SERPINA1: variants seen among roughly 807,000 people sequenced by gnomAD.
SERPINA1 encodes the protein serpin family A member 1.
Under a neutral mutation model 25.4 loss-of-function variants are expected in SERPINA1, and 21 were observed. That is an observed-to-expected ratio of 0.83 (90% CI 0.59 to 1.19). The LOEUF is 1.19. Among genes scored for constraint, SERPINA1 ranks in the 50% most tolerant of loss-of-function variants. The pLI is 0.00. For missense variants in SERPINA1, 546 were observed against 509.0 expected, an observed-to-expected ratio of 1.07 and a Z score of -0.70; for synonymous variants, 218 against 211.1, an observed-to-expected ratio of 1.03 and a Z score of -0.29.
upstream of SERPINA1, chr14:94,389,499 C>T (rs1305419921): frequency 3.3e-5 from 5 of 152,220 alleles, no homozygotes; most frequent in Non-Finnish European, 5.9e-5. Flanking sequence ...GATCCGTATA[C>T]AGCTTGGAGT....
intron 3 of SERPINA1, among the ~76,000 whole-genome samples, chr14:94,380,090 T>A (rs1449222403): frequency 4.6e-5 from 7 of 152,224 alleles, no homozygotes; most frequent in African/African-American, 1.4e-4. Flanking sequence ...GCAGCTTGGC[T>A]CTGGGCTCTC....
Position 94,382,822 on chromosome 14 carries a change from C to G in SERPINA1, c.416G>C (p.Gly139Ala), listed in dbSNP as rs757562207. 1.2e-6 allele frequency: 2 copies of G among 1,614,234 alleles called. No individual in the cohort carries two copies. The highest frequency in any genetic ancestry group is 2.2e-5 in the South Asian group (2 of 91,088). The part of the protein sequence containing the change: ...QPDSQLQLTT[G>A]NGLFLSEGLK... Reference sequence around the variant, plus strand: ...GCCCTCGCTGAGGAACAGGCCATTGCCGGTGGTCAGCTGGAGCTGGCTGTC... The same window carrying G: ...GCCCTCGCTGAGGAACAGGCCATTGGCGGTGGTCAGCTGGAGCTGGCTGTC... The change falls in exon 2 of 5, where the codon GGC becomes GCC. Residue 139 changes from glycine to alanine, a missense_variant. Physicochemically the swap from Gly to Ala is moderately conservative, Grantham distance 60. Coordinates refer to ENST00000393087, the MANE Select transcript of SERPINA1 (RefSeq NM_000295.5).
At position 94,383,075 on chromosome 14, in the gene SERPINA1, C is replaced by G. The variant is rs753921311; in HGVS notation, c.163G>C (p.Ala55Pro). ...CGGTATAGGCTGAAGGCGAACTCAG[C>G]CAGGTTGGGGGTGATCTTGTTGAAG... ...PTFNKITPNLAEFAFSLYRQL... is the reference protein window; with the variant it reads ...PTFNKITPNLPEFAFSLYRQL... The change falls in exon 2 of 5, where the codon GCT becomes CCT. Residue 55 changes from alanine to proline, a missense_variant. Coordinates refer to ENST00000393087, the MANE Select transcript of SERPINA1 (RefSeq NM_000295.5). 1 of 1,614,150 alleles carries G rather than the reference C, an allele frequency of 6.2e-7. No homozygotes were observed. Among genetic ancestry groups the G allele is most frequent in the Non-Finnish European group, 8.5e-7 (1 of 1,179,980 alleles).
At position 94,379,472 on chromosome 14, in the gene SERPINA1, G is replaced by A. The variant is rs866203136; in HGVS notation, c.1057C>T (p.Leu353Phe). The change falls in exon 4 of 5, where the codon CTC (leucine) becomes TTC (phenylalanine). Residue 353 changes from leucine to phenylalanine, a missense_variant. Leu to Phe is a conservative substitution (Grantham distance 22, BLOSUM62 0). Transcript: ENST00000393087. ...SGVTEEAPLKLSKAVHKAVLT... is the reference protein window; with the variant it reads ...SGVTEEAPLKFSKAVHKAVLT... ...CGTCAGGGTGATCTCACCTTGGAGA[G>A]CTTCAGGGGTGCCTCCTCTGTGACC... 1 of 1,614,232 alleles carries A rather than the reference G, an allele frequency of 6.2e-7. No individual in the cohort carries two copies.
intron 1 of SERPINA1, among the ~76,000 whole-genome samples, chr14:94,385,697 T>A (rs2854257): frequency 6.6e-6 from 1 of 152,200 alleles, no homozygotes; most frequent in African/African-American, 2.4e-5. Flanking sequence ...TGGCTAGGCA[T>A]GAGACAGGTG....
At position 94,377,084 on chromosome 14, in the gene SERPINA1, A is replaced by C. The variant is rs1896414042; in HGVS notation, c.*1365T>G. ...CGGTATCCATTGATTAGACTGAATC[A>C]TGTAGAATTGCTAATTTCACCATTT... On this transcript the variant is annotated 3_prime_UTR_variant, in exon 5 of 5. Coordinates refer to ENST00000393087, the MANE Select transcript of SERPINA1 (RefSeq NM_000295.5). The C allele has an allele frequency of 6.6e-6, 1 of 152,248 alleles. No homozygotes were observed. The highest frequency in any genetic ancestry group is 1.5e-5 in the Non-Finnish European group (1 of 68,048). 9.4% of individuals were successfully genotyped at this position (152,248 alleles called of 1,614,324 possible).
upstream of SERPINA1, among the ~76,000 whole-genome samples, chr14:94,389,403 G>GC (rs939861146): frequency 1.3e-5 from 2 of 152,174 alleles, no homozygotes; most frequent in Admixed American, 6.5e-5. Context: ...TGCTTAGTCT[G>GC]CCCCCCAGGC....
Position 94,378,523 on chromosome 14 carries a change from CA to C in SERPINA1, c.1182del (p.Phe394LeufsTer4). 2 of 1,614,020 alleles carry C rather than the reference CA, an allele frequency of 1.2e-6. No individual in the cohort carries two copies. Among genetic ancestry groups the C allele is most frequent in the Non-Finnish European group, 1.7e-6 (2 of 1,179,988 alleles). On this transcript the variant is annotated frameshift_variant, in exon 5 of 5. Transcript: ENST00000393087. LOFTEE classifies it low-confidence loss of function (END_TRUNC). ...GTATTTTGTTCAATCATTAAGAAGA[CA>C]AAGGGTTTGTTGAACTTGACCTCGG... ...IPPEVKFNKP[F>X]VFLMIEQNTK...
At chr14:94,386,854 C>T (rs1297840283) in intron 1 of SERPINA1, among the ~76,000 whole-genome samples, 16 of 152,234 alleles carry the variant, frequency 1.1e-4, no homozygotes, top group Non-Finnish European at 1.6e-4. Context: ...GCCACACTTA[C>T]TAACACCTGG....
rs1897069375 is a variant in SERPINA1, at chr14:94,383,110, T to G, written c.128A>C (p.Asp43Ala). The G allele has an allele frequency of 1.9e-6, 3 of 1,614,162 alleles. No homozygotes were observed. The East Asian group carries it at 6.7e-5, about 36-fold the overall frequency. Residue 43 changes from aspartate to alanine, a missense_variant, in exon 2 of 5, where the codon GAT becomes GCT. Transcript: ENST00000393087. ...QKTDTSHHDQ[D>A]HPTFNKITPN... Reference sequence around the variant, plus strand: ...GGTGATCTTGTTGAAGGTTGGGTGATCCTGATCATGGTGGGATGTATCTGT... The same window carrying G: ...GGTGATCTTGTTGAAGGTTGGGTGAGCCTGATCATGGTGGGATGTATCTGT...
intron 2 of SERPINA1, among the ~76,000 whole-genome samples, 186 bp downstream of exon 2, chr14:94,382,406 T>C (rs1896992099): frequency 6.6e-6 from 1 of 152,270 alleles, no homozygotes; most frequent in African/African-American, 2.4e-5. Flanking sequence ...TTTAATCTAT[T>C]ATTTCCTCAA....
chr14:94,379,261 T>C (rs930950096), intron 4 of SERPINA1: 2 of 707,566 alleles, frequency 2.8e-6, no homozygotes, highest in Non-Finnish European at 2.4e-6. Context: ...GCCCCGAAAG[T>C]GCCAGCTGCA....
chr14:94,380,445 C>T (rs1896811103), intron 3 of SERPINA1, among the ~76,000 whole-genome samples: 1 of 152,210 alleles, frequency 6.6e-6, no homozygotes, highest in South Asian at 2.1e-4. Flanking sequence ...CTGGGCCTTG[C>T]CACACAGGCT....
intron 1 of SERPINA1, 176 bp from the exon 2 acceptor site, chr14:94,383,417 C>G: frequency 3.1e-6 from 2 of 652,876 alleles, no homozygotes; most frequent in Non-Finnish European, 5.4e-6. Context: ...GTACGTAGTG[C>G]TTACCATATG....
chr14:94,382,937 G>A lies in SERPINA1; in HGVS notation c.301C>T (p.Leu101=). The change falls in exon 2 of 5, where the codon CTG becomes TTG. Residue 101 remains leucine, a synonymous_variant. Transcript: ENST00000393087. ...GTKADTHDEI[L]EGLNFNLTEI... ...GTGAGGTTGAAATTCAGGCCCTCCA[G>A]GATTTCATCGTGAGTGTCAGCCTTG... 6.2e-7 allele frequency: 1 copy of A among 1,610,872 alleles called. No homozygotes were observed. The highest frequency in any genetic ancestry group is 8.5e-7 in the Non-Finnish European group (1 of 1,177,492).
chr14:94,378,739 C>T lies in SERPINA1; in HGVS notation c.1066-99G>A, dbSNP rs74341584. 1.0e-3 allele frequency: 1,245 copies of T among 1,238,980 alleles called. 14 individuals are homozygous for T. In the African/African-American group the frequency reaches 0.022, roughly 22 times the overall value. 76.7% of individuals were successfully genotyped at this position (1,238,980 alleles called of 1,614,324 possible). A position where few individuals can be genotyped will look rare whatever the true frequency, so the allele number is the denominator to read the frequency against. ...CCAGGAAGCGCTCACTCCCCCTGGA[C>T]GGCCCTGGCCCTGCACATCCTCTCC... On this transcript the variant is annotated intron_variant, in intron 4 of 4. Coordinates refer to ENST00000393087, the MANE Select transcript of SERPINA1 (RefSeq NM_000295.5).
chr14:94,382,023 A>G (rs1355162761), intron 2 of SERPINA1, among the ~76,000 whole-genome samples: 1 of 152,282 alleles, frequency 6.6e-6, no homozygotes, highest in South Asian at 2.1e-4. Flanking sequence ...AGAGTCCATC[A>G]CCTGCTGTAT....
At chr14:94,382,195 C>G (rs899123448) in intron 2 of SERPINA1, among the ~76,000 whole-genome samples, 3 of 152,180 alleles carry the variant, frequency 2.0e-5, no homozygotes, top group African/African-American at 7.2e-5. Context: ...AGGATTTGAA[C>G]CCAGGTCTTT....
chr14:94,378,288 A>T lies in SERPINA1; in HGVS notation c.*161T>A, dbSNP rs896170336. On this transcript the variant is annotated 3_prime_UTR_variant, in exon 5 of 5. Transcript: ENST00000393087. Reference sequence around the variant, plus strand: ...CAGGGGGCCCGAAGACAGCACTGTTACCTGGAGCCCACATACAGCCTCAGC... The same window carrying T: ...CAGGGGGCCCGAAGACAGCACTGTTTCCTGGAGCCCACATACAGCCTCAGC... The T allele has an allele frequency of 3.1e-5, 21 of 669,496 alleles. No individual in the cohort carries two copies. In the African/African-American group the frequency reaches 3.4e-4, roughly 11 times the overall value. 41.5% of individuals were successfully genotyped at this position (669,496 alleles called of 1,614,324 possible). A position where few individuals can be genotyped will look rare whatever the true frequency, so the allele number is the denominator to read the frequency against.
Sources: allele counts gnomAD v4.1 joint callset (sites outside exome capture counted in the v4.1 genomes callset), GRCh38; gene constraint gnomAD v4.1.1; transcripts MANE v1.5; gene names NCBI Gene and HGNC (gene_info 2026-07-23, HGNC 2026-07-21).